KIF22: variants seen among roughly 807,000 people sequenced by gnomAD.
The protein encoded by KIF22 is kinesin-like protein KIF22.
A neutral mutation model predicts 73.0 loss-of-function variants in KIF22; 62 were observed. The ratio of observed to expected loss-of-function variants is 0.85; its 90% CI spans 0.69 to 1.05. KIF22 has a LOEUF of 1.05. Among genes scored for constraint, KIF22 ranks in the 50% least tolerant of loss-of-function variants. KIF22 has a pLI of 0.00. For synonymous variants in KIF22, 411 were observed against 340.1 expected (o/e 1.21, Z -2.29); for missense variants, 854 against 870.1 (o/e 0.98, Z 0.23).
intron 1 of KIF22, chr16:29,792,559 G>A (rs1261849318): frequency 4.7e-6 from 1 of 213,630 alleles, no homozygotes; most frequent in Non-Finnish European, 8.0e-6. Context: ...GTCAGGTGGA[G>A]AAAGTGACAA....
chr16:29,802,172 CA>C (rs1484822028), intron 8 of KIF22, among the ~76,000 whole-genome samples: 5 of 142,980 alleles, frequency 3.5e-5, no homozygotes, highest in Non-Finnish European at 6.0e-5. Flanking sequence ...GAGGCTGAGA[CA>C]GGGGGATTGC....
chr16:29,798,907 G>A lies in KIF22; in HGVS notation c.550-68G>A, dbSNP rs1729591128. On this transcript the variant is annotated intron_variant, in intron 4 of 13. Transcript: ENST00000160827. This position sits in a 1 kb window ranked among gnomAD's most constrained non-coding sequence, Gnocchi z 4.1. ...AACTCCGAGAATAGAACAGAGAAAG[G>A]AAACTGATCCCCAGGAAGAAACAGC... 1 of 1,568,640 alleles carries A rather than the reference G, an allele frequency of 6.4e-7. No individual in the cohort carries two copies. The highest frequency in any genetic ancestry group is 8.8e-7 in the Non-Finnish European group (1 of 1,140,152).
chr16:29,799,615 G>T lies in KIF22; in HGVS notation c.991-13G>T, dbSNP rs781353540. The T allele has an allele frequency of 1.9e-6, 3 of 1,613,986 alleles. No individual in the cohort carries two copies. Among genetic ancestry groups the T allele is most frequent in the East Asian group, 2.2e-5 (1 of 44,888 alleles). On this transcript the variant is annotated splice_polypyrimidine_tract_variant and intron_variant, in intron 6 of 13. Transcript: ENST00000160827. ...GGGCTTCTGACCCACCCACTGCCTG[G>T]TCTCACCCTCAGGACTCTCTGGGTG...
intron 11 of KIF22, 51 bp from the exon 12 acceptor site, chr16:29,804,763 C>T (rs1210596921): frequency 6.9e-7 from 1 of 1,451,778 alleles, no homozygotes. Flanking sequence ...GGCAGAGGAG[C>T]CCAAAGCACT....
chr16:29,801,931 TGAG>T (rs772504002), intron 8 of KIF22, among the ~76,000 whole-genome samples: 8 of 152,118 alleles, frequency 5.3e-5, no homozygotes, highest in Non-Finnish European at 1.2e-4. Context: ...GATACAGATG[TGAG>T]GAGGTGTGGG....
chr16:29,801,976 G>A (rs1899152172), intron 8 of KIF22, among the ~76,000 whole-genome samples: 1 of 152,088 alleles, frequency 6.6e-6, no homozygotes, highest in Non-Finnish European at 1.5e-5. Flanking sequence ...ATGAATGTTA[G>A]ACGTTGCTGA....
intron 11 of KIF22, 91 bp from the exon 12 acceptor site, chr16:29,804,723 G>A (rs1899291001): frequency 1.0e-6 from 1 of 991,714 alleles, no homozygotes; most frequent in African/African-American, 1.6e-5. Flanking sequence ...CTGGAGCGCA[G>A]GAGGTAGCTG....
rs763090925 is a variant in KIF22, at chr16:29,805,219, C to T, written c.1951-44C>T. On this transcript the variant is annotated intron_variant, in intron 13 of 13. Transcript: ENST00000160827. Reference sequence around the variant, plus strand: ...CCTCCTCTGCCTGTCCTGCGCCCCGCGCCCCTCTCTAACGTCGCTGTCTCC... The same window carrying T: ...CCTCCTCTGCCTGTCCTGCGCCCCGTGCCCCTCTCTAACGTCGCTGTCTCC... The T allele has an allele frequency of 3.7e-6, 6 of 1,613,978 alleles. No homozygotes were observed. In the Admixed American group the frequency reaches 6.7e-5, roughly 18 times the overall value.
chr16:29,799,842 AACC>A lies in KIF22; in HGVS notation c.1144+66_1145-64del, dbSNP rs986032361. ...GTCTGGAAATTAGGGAGTTTGTTGA[AACC>A]ACCAAGCATCAGCACAGAGGCTGAC... is the stretch of plus-strand genomic sequence containing the variant. On this transcript the variant is annotated intron_variant, in intron 7 of 13. Transcript: ENST00000160827. The A allele has an allele frequency of 1.1e-5, 17 of 1,612,396 alleles. No individual in the cohort carries two copies. The Admixed American group carries it at 1.2e-4, about 11-fold the overall frequency.
chr16:29,795,072 T>C (rs939990926), intron 1 of KIF22, among the ~76,000 whole-genome samples: 2 of 152,228 alleles, frequency 1.3e-5, no homozygotes, highest in African/African-American at 4.8e-5. Context: ...TGCTTCTACA[T>C]CTGCCATCTT....
At chr16:29,791,982 T>C (rs967440724) in intron 1 of KIF22, among the ~76,000 whole-genome samples, 2 of 152,164 alleles carry the variant, frequency 1.3e-5, no homozygotes, top group Non-Finnish European at 2.9e-5. Flanking sequence ...GTAGATGTAA[T>C]ACGAAACACA....
At chr16:29,804,594 G>A (rs1015102368) in intron 11 of KIF22, 2 of 693,322 alleles carry the variant, frequency 2.9e-6, no homozygotes, top group African/African-American at 3.5e-5. Flanking sequence ...TGAGAAGGGT[G>A]CTAATATTAC....
chr16:29,804,689 C>T (rs1899287916), intron 11 of KIF22, 125 bp from the exon 12 acceptor site: 6 of 779,758 alleles, frequency 7.7e-6, no homozygotes, highest in African/African-American at 6.8e-5. Flanking sequence ...GGATTTTGGA[C>T]ACACTTGACA....
rs1189931544 is a variant in KIF22 at position 29,798,006 on chromosome 16, T to C, written c.267-368T>C. On this transcript the variant is annotated intron_variant, in intron 2 of 13. Transcript: ENST00000160827. The surrounding 1 kb of genome is among the most constrained non-coding windows in gnomAD (Gnocchi z 4.1). Reference sequence around the variant, plus strand: ...TGCTATTCTTGATTCTCAGAATTTCTTTCTTTGGTCAAAATCTTCCTTCCT... The same window carrying C: ...TGCTATTCTTGATTCTCAGAATTTCCTTCTTTGGTCAAAATCTTCCTTCCT... Among the ~76,000 whole-genome samples the C allele has an allele frequency of 2.6e-5, 4 of 151,762 alleles. No homozygotes were observed. The highest frequency in any genetic ancestry group is 9.8e-5 in the African/African-American group (4 of 41,012).
At chr16:29,803,162 A>C (rs779939567) in intron 9 of KIF22, among the ~76,000 whole-genome samples, 1 of 152,182 alleles carries the variant, frequency 6.6e-6, no homozygotes, top group African/African-American at 2.4e-5. Context: ...AAAAGCAACA[A>C]ATGTTAAACA....
In KIF22 at chr16:29,799,491, G is replaced by C. The variant is rs1470942020; in HGVS notation, c.987G>C (p.Leu329Phe). The change falls in exon 6 of 14, where the codon TTG becomes TTC. Residue 329 changes from leucine (L) to phenylalanine (F), a missense_variant. Transcript: ENST00000160827. The stretch of plus-strand genomic sequence containing the variant: ...GGGACAGCAAGCTCACTCGCCTATT[G>C]CAGGTCAGGCCCACCTGTCTCAGGG... The part of the protein sequence containing the change: ...PYRDSKLTRL[L>F]QDSLGGSAHS... The C allele has an allele frequency of 9.3e-6, 15 of 1,613,962 alleles. No homozygotes were observed. Among genetic ancestry groups the C allele is most frequent in the Admixed American group, 6.7e-5 (4 of 59,998 alleles).
At chr16:29,793,180 C>T (rs1399267268) in intron 1 of KIF22, among the ~76,000 whole-genome samples, 2 of 152,252 alleles carry the variant, frequency 1.3e-5, no homozygotes, top group Non-Finnish European at 1.5e-5. Flanking sequence ...GCTGGGCTCA[C>T]GCCTGTAATC....
rs1272432383 is a variant in KIF22, at chr16:29,804,663, G to A, written c.1678-151G>A. 4.1e-5 allele frequency: 29 copies of A among 711,004 alleles called. 1 individual carries two copies. Among genetic ancestry groups the A allele is most frequent in the Middle Eastern group, 4.5e-4 (2 of 4,416 alleles). The allele number at this position is 711,004 out of a possible 1,614,324, so 44.0% of individuals were successfully genotyped here. A position where few individuals can be genotyped will look rare whatever the true frequency, so the allele number is the denominator to read the frequency against. ...GTTGCATAATAAGAATTAACCCAGA[G>A]AGTGACCTGAGGGCGGGATTTTGGA... is the stretch of plus-strand genomic sequence containing the variant. On this transcript the variant is annotated intron_variant, in intron 11 of 13. Transcript: ENST00000160827.
intron 8 of KIF22, 57 bp downstream of exon 8, chr16:29,800,105 C>T: frequency 6.5e-7 from 1 of 1,537,602 alleles, no homozygotes; most frequent in Non-Finnish European, 8.7e-7. Context: ...AGCAGCAGAG[C>T]TGCAATGCCC....
Sources: gnomAD v4.1 joint callset for allele counts (sites outside exome capture counted in the v4.1 genomes callset) on GRCh38, gnomAD v4.1.1 for gene constraint, Gnocchi (gnomAD v3.1) non-coding constraint, MANE v1.5 for transcripts, NCBI Gene and HGNC (gene_info 2026-07-23, HGNC 2026-07-21) for gene names.